Variants in HEATR6 observed in about 807,000 individuals in gnomAD.
HEATR6 encodes the protein HEAT repeat-containing protein 6.
HEATR6 carries 106 observed loss-of-function variants against 132.8 expected under a neutral mutation model. The ratio of observed to expected loss-of-function variants is 0.80; its 90% CI spans 0.68 to 0.94. The LOEUF is 0.94. Among genes scored for constraint, HEATR6 ranks in the 40% least tolerant of loss-of-function variants. The probability of loss-of-function intolerance (pLI) is 0.00; values close to 1 mark genes in which losing one functional copy is unlikely to be tolerated. For missense variants in HEATR6, 1,339 were observed against 1,425.1 expected (o/e 0.94, Z 0.97); for synonymous variants, 529 against 537.8 (o/e 0.98, Z 0.23).
chr17:60,047,322 T>C lies in HEATR6; in HGVS notation c.2756A>G (p.Lys919Arg), dbSNP rs148810155. The change falls in exon 18 of 20, where the codon AAG becomes AGG. Residue 919 changes from lysine (K) to arginine (R), a missense_variant. Transcript: ENST00000184956. The stretch of plus-strand genomic sequence containing the variant: ...TTGTGAGTCTACCTTGTCTTTATCC[T>C]TGGATGCTTCTATAGCTGATCGTAA... ...KMLRSAIEAS[K>R]DKDKVKSNAV... 8 of 1,609,504 alleles carry C rather than the reference T, an allele frequency of 5.0e-6. No individual in the cohort carries two copies. In the African/African-American group the frequency reaches 8.0e-5, roughly 16 times the overall value.
rs758612595 is a variant in HEATR6, at chr17:60,043,814, C to T, written c.3295G>A (p.Gly1099Arg). 6.2e-7 allele frequency: 1 copy of T among 1,614,186 alleles called. No individual in the cohort carries two copies. Among genetic ancestry groups the T allele is most frequent in the Non-Finnish European group, 8.5e-7 (1 of 1,180,030 alleles). Residue 1099 changes from glycine (G) to arginine (R), a missense_variant, in exon 20 of 20, where the codon GGG (glycine) becomes AGG (arginine). Gly to Arg is a moderately radical substitution (Grantham distance 125). Coordinates refer to ENST00000184956, the MANE Select transcript of HEATR6 (RefSeq NM_022070.5). ...AGAATATAGGACTGGACCATATTCC[C>T]ACTCAGTTCAAGGGTTTCTTTCATA... ...PCMKETLELS[G>R]NMVQSYILQF...
rs373670356 is a variant in HEATR6 at position 60,044,352 on chromosome 17, A to C, written c.2975-218T>G. 3.0e-4 allele frequency among the ~76,000 whole-genome samples: 45 copies of C among 152,224 alleles called. No homozygotes were observed. The South Asian group carries it at 9.1e-3, about 31-fold the overall frequency. On this transcript the variant is annotated intron_variant, in intron 19 of 19. Transcript: ENST00000184956. Reference sequence around the variant, plus strand: ...AATCCCCAAACCTCCCTCTTTCCCTACCTCAGCCTGCCACACGCTTAGAGC... The same window carrying C: ...AATCCCCAAACCTCCCTCTTTCCCTCCCTCAGCCTGCCACACGCTTAGAGC...
chr17:60,076,485 G>A (rs1220402918), intron 1 of HEATR6: 15 of 396,084 alleles, frequency 3.8e-5, no homozygotes, highest in Non-Finnish European at 6.0e-5. Context: ...AGGACTGCTT[G>A]AGCCCAGGAG....
chr17:60,055,204 T>C (rs1450124769), intron 14 of HEATR6, among the ~76,000 whole-genome samples: 1 of 152,224 alleles, frequency 6.6e-6, no homozygotes, highest in Non-Finnish European at 1.5e-5. Flanking sequence ...ACCATGCTTT[T>C]TGTACAGCCT....
chr17:60,078,878 C>A lies in HEATR6; in HGVS notation c.37G>T (p.Val13Leu). ...AVQVVGSWPS[V>L]QPREAPREAI... ...TCCCGCGGTGCCTCCCGCGGCTGCA[C>A]GGAAGGCCACGAACCGACAACTTGC... Residue 13 changes from valine (V) to leucine (L), a missense_variant, in exon 1 of 20, where the codon GTG (valine) becomes TTG (leucine). Val to Leu is a conservative substitution (Grantham distance 32, BLOSUM62 1). Transcript: ENST00000184956. 6.3e-7 allele frequency: 1 copy of A among 1,586,800 alleles called. No individual in the cohort carries two copies. The highest frequency in any genetic ancestry group is 1.9e-5 in the Admixed American group (1 of 53,782).
rs552083867 is a variant in HEATR6 at position 60,066,429 on chromosome 17, A to AT, written c.1239-44dup. ...AAAAAGAAAAAACACTTAAAAAATC[A>AT]TTTTTTTAAAAAAAATGCAAACATG... On this transcript the variant is annotated intron_variant, in intron 8 of 19. Coordinates refer to ENST00000184956, the MANE Select transcript of HEATR6 (RefSeq NM_022070.5). 34 of 1,408,562 alleles carry AT rather than the reference A, an allele frequency of 2.4e-5. No homozygotes were observed. In the Admixed American group the frequency reaches 3.1e-4, roughly 13 times the overall value. 87.3% of individuals were successfully genotyped at this position (1,408,562 alleles called of 1,614,324 possible). A position where few individuals can be genotyped will look rare whatever the true frequency, so the allele number is the denominator to read the frequency against.
intron 9 of HEATR6, among the ~76,000 whole-genome samples, chr17:60,062,004 C>T (rs1237537773): frequency 2.6e-5 from 4 of 152,230 alleles, no homozygotes; most frequent in African/African-American, 9.6e-5. Context: ...TCATGACTAT[C>T]ACAGATGAAA....
intron 6 of HEATR6, among the ~76,000 whole-genome samples, chr17:60,070,097 T>C (rs1296480917): frequency 6.6e-6 from 1 of 152,236 alleles, no homozygotes; most frequent in Non-Finnish European, 1.5e-5. Context: ...AAATCAGGTC[T>C]GGTTTTAGTT....
In HEATR6 at chr17:60,041,539, A is replaced by G. The variant is rs546895450; in HGVS notation, c.*2024T>C. ...ATTCATCACAGGGTCAGGTGGGCTC[A>G]ACTTAGTTTCCTGGGCCCTCTATAA... On this transcript the variant is annotated 3_prime_UTR_variant, in exon 20 of 20. Coordinates refer to ENST00000184956, the MANE Select transcript of HEATR6 (RefSeq NM_022070.5). Among the ~76,000 whole-genome samples the G allele has an allele frequency of 6.6e-6, 1 of 152,334 alleles. No individual in the cohort carries two copies. Among genetic ancestry groups the G allele is most frequent in the South Asian group, 2.1e-4 (1 of 4,830 alleles).
chr17:60,066,834 T>A (rs1057076926), intron 8 of HEATR6, among the ~76,000 whole-genome samples: 5 of 152,224 alleles, frequency 3.3e-5, no homozygotes, highest in Non-Finnish European at 5.9e-5. Flanking sequence ...AACTATCACA[T>A]GTTACGAATA....
In HEATR6 at chr17:60,057,250, C is replaced by A. The variant is rs985299540; in HGVS notation, c.1877G>T (p.Trp626Leu). 5 of 1,614,032 alleles carry A rather than the reference C, an allele frequency of 3.1e-6. No homozygotes were observed. The Admixed American group carries it at 5.0e-5, about 16-fold the overall frequency. Residue 626 changes from tryptophan to leucine, a missense_variant, in exon 12 of 20, where the codon TGG (tryptophan) becomes TTG (leucine). Trp to Leu is a moderately conservative substitution (Grantham distance 61). Coordinates refer to ENST00000184956, the MANE Select transcript of HEATR6 (RefSeq NM_022070.5). ...SATPHLSPPD[W>L]WKKAPAGPSL... ...GGGTCCTGCAGGGGCTTTCTTCCAC[C>A]AATCAGGAGGGCTGAGGTGAGGGGT... is the stretch of plus-strand genomic sequence containing the variant.
At chr17:60,067,382 C>A in intron 8 of HEATR6, 52 bp downstream of exon 8, 1 of 1,313,280 alleles carries the variant, frequency 7.6e-7, no homozygotes. Flanking sequence ...AAGTTATAAA[C>A]TTACATGCAA....
At position 60,050,824 on chromosome 17, in the gene HEATR6, G is replaced by A. The variant is rs758107809; in HGVS notation, c.2424+19C>T. 19 of 1,613,906 alleles carry A rather than the reference G, an allele frequency of 1.2e-5. No individual in the cohort carries two copies. The South Asian group carries it at 2.1e-4, about 18-fold the overall frequency. ...TGCTCCAGCCATGATTTAAGGGTGA[G>A]AAAACACCCTCACATTACCGGCAGA... On this transcript the variant is annotated intron_variant, in intron 15 of 19. Transcript: ENST00000184956.
intron 9 of HEATR6, chr17:60,064,900 A>G (rs1213572549): frequency 6.6e-6 from 1 of 152,144 alleles, no homozygotes; most frequent in Admixed American, 6.5e-5. Flanking sequence ...TCCTGTTCTA[A>G]ACCCCCGTGT....
Position 60,057,072 on chromosome 17 carries a change from G to A in HEATR6, c.2055C>T (p.Ser685=). ...CCTGTAAGGCCTCCAGTCGCATGGG[G>A]GATGGTTCGTAGGTGCTTCCTGCTG... The part of the protein sequence containing the change: ...GSAAGSTYEP[S]PMRLEALQVL... Residue 685 remains serine (S), a synonymous_variant, in exon 12 of 20, where the codon TCC becomes TCT. Transcript: ENST00000184956. 1 of 1,605,052 alleles carries A rather than the reference G, an allele frequency of 6.2e-7. No individual in the cohort carries two copies. The highest frequency in any genetic ancestry group is 8.5e-7 in the Non-Finnish European group (1 of 1,174,286).
chr17:60,068,824 G>A (rs1038148842), intron 7 of HEATR6, among the ~76,000 whole-genome samples: 4 of 152,060 alleles, frequency 2.6e-5, no homozygotes, highest in Non-Finnish European at 4.4e-5. Flanking sequence ...TAGACTGAGT[G>A]TCCTCAATGT....
Position 60,059,907 on chromosome 17 carries a change from C to T in HEATR6, c.1606G>A (p.Val536Ile), listed in dbSNP as rs144759056. The change falls in exon 10 of 20, where the codon GTT (valine) becomes ATT (isoleucine). Residue 536 changes from valine to isoleucine, a missense_variant. Transcript: ENST00000184956. ...TACATTACCTTAATTATCTGAGTAA[C>T]GGTCTGTGAGGATGACTCCGCCACC... ...ALVAESSSQT[V>I]TQIIKCLANL... is the part of the protein sequence containing the mutation. 68 of 1,613,254 alleles carry T rather than the reference C, an allele frequency of 4.2e-5. No homozygotes were observed. In the African/African-American group the frequency reaches 7.7e-4, roughly 18 times the overall value.
intron 9 of HEATR6, 55 bp downstream of exon 9, chr17:60,066,154 A>C: frequency 2.1e-6 from 3 of 1,401,518 alleles, no homozygotes; most frequent in South Asian, 1.2e-5. Context: ...GATAACAATA[A>C]GGATCTGTAA....
At chr17:60,072,091 A>G (rs939494003) in intron 5 of HEATR6, 124 bp downstream of exon 5, 28 of 427,162 alleles carry the variant, frequency 6.6e-5, no homozygotes, top group African/African-American at 5.7e-4. Context: ...GGTTACAAAC[A>G]TTTCATATAT....
Sources: gnomAD v4.1 joint callset for allele counts (sites outside exome capture counted in the v4.1 genomes callset) on GRCh38, gnomAD v4.1.1 for gene constraint, MANE v1.5 for transcripts, NCBI Gene and HGNC (gene_info 2026-07-23, HGNC 2026-07-21) for gene names.